Variants in ADAMTS18 observed in about 807,000 individuals in gnomAD.
ADAMTS18 encodes the protein A disintegrin and metalloproteinase with thrombospondin motifs 18.
In ADAMTS18, 157 loss-of-function variants were observed where a neutral mutation model predicts 165.9. That is an observed-to-expected ratio of 0.95 (90% CI 0.83 to 1.08). The LOEUF is 1.08. ADAMTS18 is among the 50% of genes least tolerant of loss of function. ADAMTS18 has a pLI of 0.00. For synonymous variants in ADAMTS18, 782 were observed against 578.2 expected, an observed-to-expected ratio of 1.35 and a Z score of -5.06; for missense variants, 2,040 against 1,534.0, an observed-to-expected ratio of 1.33 and a Z score of -5.51.
At chr16:77,290,420 T>C (rs1487327523) in intron 21 of ADAMTS18, 1 of 152,004 alleles carries the variant, frequency 6.6e-6, no homozygotes, top group Non-Finnish European at 1.5e-5. Context: ...TAAATAAACT[T>C]ATTAGAGTCA....
intron 12 of ADAMTS18, among the ~76,000 whole-genome samples, chr16:77,333,939 TATATAGTGTCATATATACTATATATA>T (rs1383445074): frequency 1.6e-3 from 222 of 142,602 alleles, no homozygotes; most frequent in African/African-American, 5.4e-3. Context: ...AATACTGTAA[TATATAGTGTCATATATACTATATATA>T]ATATAGTGTC....
At chr16:77,316,890 C>G (rs563028079) in intron 16 of ADAMTS18, among the ~76,000 whole-genome samples, 1 of 152,108 alleles carries the variant, frequency 6.6e-6, no homozygotes, top group Admixed American at 6.5e-5. Context: ...TGGTCTCATA[C>G]TCCTGGTCTC....
At chr16:77,417,288 G>A (rs1311950362) in intron 3 of ADAMTS18, among the ~76,000 whole-genome samples, 1 of 152,130 alleles carries the variant, frequency 6.6e-6, no homozygotes, top group Non-Finnish European at 1.5e-5. Context: ...CTGGGTGGGT[G>A]AGTGGGTGTG....
chr16:77,434,779 G>T lies in ADAMTS18; in HGVS notation c.-84C>A. The T allele has an allele frequency of 1.7e-6, 2 of 1,176,922 alleles. No individual in the cohort carries two copies. The highest frequency in any genetic ancestry group is 2.3e-5 in the South Asian group (1 of 43,314). 72.9% of individuals were successfully genotyped at this position (1,176,922 alleles called of 1,614,324 possible). A position where few individuals can be genotyped will look rare whatever the true frequency, so the allele number is the denominator to read the frequency against. On this transcript the variant is annotated 5_prime_UTR_variant, in exon 1 of 23. Coordinates refer to ENST00000282849, the MANE Select transcript of ADAMTS18 (RefSeq NM_199355.4). ...CGGCGCGCATTCTTTCCGCGGCCCC[G>T]GAGCTCGGCGCCCCAGGTGCGGCTC...
intron 3 of ADAMTS18, among the ~76,000 whole-genome samples, chr16:77,378,167 A>C (rs962865408): frequency 1.3e-5 from 2 of 150,858 alleles, no homozygotes; most frequent in African/African-American, 5.0e-5. Context: ...CTACTAAAAT[A>C]AAATGTTAGC....
chr16:77,417,282 G>A (rs998557768), intron 3 of ADAMTS18, among the ~76,000 whole-genome samples: 1 of 152,128 alleles, frequency 6.6e-6, no homozygotes, highest in Non-Finnish European at 1.5e-5. Context: ...GGATAGCTGG[G>A]TGGGTGAGTG....
At chr16:77,401,284 G>A (rs1034075695) in intron 3 of ADAMTS18, among the ~76,000 whole-genome samples, 1 of 151,872 alleles carries the variant, frequency 6.6e-6, no homozygotes, top group Non-Finnish European at 1.5e-5. Context: ...AACAACAAAA[G>A]AAAGAAAGAA....
At chr16:77,391,591 C>T (rs2057188420) in intron 3 of ADAMTS18, among the ~76,000 whole-genome samples, 1 of 151,942 alleles carries the variant, frequency 6.6e-6, no homozygotes, top group Non-Finnish European at 1.5e-5. Flanking sequence ...GTACCAATGG[C>T]CAGGAAGAGG....
At position 77,325,969 on chromosome 16, in the gene ADAMTS18, G is replaced by C; in HGVS notation, c.1929C>G (p.Cys643Trp). Reference protein sequence around the residue: ...RIYQLCNINPCNENSLDFRAQ... With the variant: ...RIYQLCNINPWNENSLDFRAQ... ...CCCGAAAATCCAAGCTATTTTCATT[G>C]CAAGGGTTAATATTGCACAGCTGAT... Residue 643 changes from cysteine to tryptophan, a missense_variant, in exon 13 of 23, where the codon TGC (cysteine) becomes TGG (tryptophan). Physicochemically the swap from Cys to Trp is radical, Grantham distance 215. Transcript: ENST00000282849. 3 of 1,613,978 alleles carry C rather than the reference G, an allele frequency of 1.9e-6. No homozygotes were observed. The highest frequency in any genetic ancestry group is 2.5e-6 in the Non-Finnish European group (3 of 1,179,922).
chr16:77,396,801 C>CT (rs59065639), intron 3 of ADAMTS18, among the ~76,000 whole-genome samples: 19,669 of 142,596 alleles, frequency 0.14, 1,502 homozygotes, highest in African/African-American at 0.2. Flanking sequence ...TCTTCATTGC[C>CT]TTTTTTTTTT....
rs2057778465 is a variant in ADAMTS18 at position 77,434,854 on chromosome 16, T to G, written c.-159A>C. On this transcript the variant is annotated 5_prime_UTR_variant, in exon 1 of 23. Transcript: ENST00000282849. The stretch of plus-strand genomic sequence containing the variant: ...ATCGCAGCGGGGGCGCGCTGGGACC[T>G]CCCCTCCTCCGGCCGCCTGCGCGCC... The G allele has an allele frequency of 3.8e-6, 2 of 529,614 alleles. No homozygotes were observed. Among genetic ancestry groups the G allele is most frequent in the Non-Finnish European group, 5.8e-6 (2 of 344,988 alleles). 32.8% of individuals were successfully genotyped at this position (529,614 alleles called of 1,614,324 possible).
intron 3 of ADAMTS18, among the ~76,000 whole-genome samples, chr16:77,397,609 C>G (rs1368212461): frequency 1.3e-5 from 2 of 152,082 alleles, no homozygotes; most frequent in African/African-American, 4.8e-5. Flanking sequence ...CTATACAGAG[C>G]ATGAGAAGAA....
intron 3 of ADAMTS18, among the ~76,000 whole-genome samples, chr16:77,408,873 C>A (rs2057425338): frequency 6.6e-6 from 1 of 152,080 alleles, no homozygotes; most frequent in South Asian, 2.1e-4. Context: ...TTCAGTTACT[C>A]AAAGTCAACC....
At chr16:77,412,658 C>T (rs145554230) in intron 3 of ADAMTS18, among the ~76,000 whole-genome samples, 13 of 152,200 alleles carry the variant, frequency 8.5e-5, no homozygotes, top group African/African-American at 2.4e-4. Flanking sequence ...GTGAAACGCA[C>T]GTCTTACATG....
chr16:77,291,722 A>G (rs1487177425), intron 20 of ADAMTS18, among the ~76,000 whole-genome samples: 1 of 152,226 alleles, frequency 6.6e-6, no homozygotes, highest in African/African-American at 2.4e-5. Context: ...CATTAGCCTC[A>G]TAAAGTAAAA....
At chr16:77,410,657 G>A (rs939094227) in intron 3 of ADAMTS18, among the ~76,000 whole-genome samples, 2 of 152,178 alleles carry the variant, frequency 1.3e-5, no homozygotes, top group South Asian at 2.1e-4. Flanking sequence ...CATCTTGGCA[G>A]GTAGCCAGAG....
chr16:77,404,101 T>G (rs932325981), intron 3 of ADAMTS18, among the ~76,000 whole-genome samples: 4 of 150,678 alleles, frequency 2.7e-5, no homozygotes, highest in Non-Finnish European at 5.9e-5. Context: ...CTTCAGAAGG[T>G]AATTCTTGTG....
intron 3 of ADAMTS18, among the ~76,000 whole-genome samples, chr16:77,400,737 G>A (rs920140172): frequency 3.3e-5 from 5 of 151,518 alleles, no homozygotes; most frequent in Non-Finnish European, 4.4e-5. Context: ...CCAAAGTGCT[G>A]GGATTACAGG....
In ADAMTS18 at chr16:77,364,254, G is replaced by C. The variant is rs754594050; in HGVS notation, c.906C>G (p.Asp302Glu). 2 of 1,613,864 alleles carry C rather than the reference G, an allele frequency of 1.2e-6. No homozygotes were observed. The highest frequency in any genetic ancestry group is 2.2e-5 in the East Asian group (1 of 44,848). Reference sequence around the variant, plus strand: ...TGCCATGCTTTTCCACCATTTTCTTGTCTGCCACCACGAGGGTTTCCACAT... The same window carrying C: ...TGCCATGCTTTTCCACCATTTTCTTCTCTGCCACCACGAGGGTTTCCACAT... ...GLNVETLVVADKKMVEKHGKG... is the reference protein window; with the variant it reads ...GLNVETLVVAEKKMVEKHGKG... The change falls in exon 5 of 23, where the codon GAC becomes GAG. Residue 302 changes from aspartate (D) to glutamate (E), a missense_variant. Coordinates refer to ENST00000282849, the MANE Select transcript of ADAMTS18 (RefSeq NM_199355.4).
Sources: gnomAD v4.1 joint callset for allele counts (sites outside exome capture counted in the v4.1 genomes callset) on GRCh38, gnomAD v4.1.1 for gene constraint, MANE v1.5 for transcripts, NCBI Gene and HGNC (gene_info 2026-07-23, HGNC 2026-07-21) for gene names.